Variants in SNX29 observed in about 807,000 individuals in gnomAD.
SNX29 encodes the protein sorting nexin 29.
A neutral mutation model predicts 102.1 loss-of-function variants in SNX29; 78 were observed. That is an observed-to-expected ratio of 0.76 (90% CI 0.64 to 0.92). The LOEUF (loss-of-function observed/expected upper bound fraction) is 0.92. SNX29 is among the 40% of genes least tolerant of loss of function. The probability of loss-of-function intolerance (pLI) is 0.00; values close to 1 mark genes in which losing one functional copy is unlikely to be tolerated. For missense variants in SNX29, 1,280 were observed against 1,061.7 expected (o/e 1.21, Z -2.86); for synonymous variants, 580 against 414.5 (o/e 1.40, Z -4.85).
At chr16:12,529,355 G>T (rs1311966755) in intron 20 of SNX29, among the ~76,000 whole-genome samples, 1 of 152,202 alleles carries the variant, frequency 6.6e-6, no homozygotes, top group African/African-American at 2.4e-5. Context: ...GTTACTAAGA[G>T]ACGTGACACT....
At chr16:12,348,264 G>A (rs570399835) in intron 15 of SNX29, among the ~76,000 whole-genome samples, 2 of 152,152 alleles carry the variant, frequency 1.3e-5, no homozygotes, top group Non-Finnish European at 2.9e-5. Flanking sequence ...TGGGATTTTC[G>A]TTTGAAGCTG....
At chr16:12,237,355 T>C (rs1476980247) in intron 14 of SNX29, among the ~76,000 whole-genome samples, 1 of 152,224 alleles carries the variant, frequency 6.6e-6, no homozygotes, top group Non-Finnish European at 1.5e-5. Flanking sequence ...CAGTTTCCCC[T>C]GCTTTATGCG....
intron 16 of SNX29, among the ~76,000 whole-genome samples, chr16:12,386,895 C>T (rs983051519): frequency 2.0e-5 from 3 of 151,620 alleles, no homozygotes; most frequent in African/African-American, 4.8e-5. Context: ...GAGGCCAAGG[C>T]GGGTGGATCA....
At chr16:12,185,253 G>C (rs959620494) in intron 13 of SNX29, among the ~76,000 whole-genome samples, 1 of 152,160 alleles carries the variant, frequency 6.6e-6, no homozygotes, top group Non-Finnish European at 1.5e-5. Context: ...AGGGAGTGGG[G>C]AGGGATCTTT....
At chr16:12,246,793 C>T (rs2078272622) in intron 14 of SNX29, among the ~76,000 whole-genome samples, 1 of 152,326 alleles carries the variant, frequency 6.6e-6, no homozygotes, top group East Asian at 1.9e-4. Flanking sequence ...GCAATAGTAA[C>T]AGCTGCATAG....
At chr16:12,015,771 G>A (rs1016103138) in intron 3 of SNX29, among the ~76,000 whole-genome samples, 6 of 151,288 alleles carry the variant, frequency 4.0e-5, no homozygotes, top group Non-Finnish European at 1.5e-5. Context: ...TCCTGACCTC[G>A]TGATCTGCCC....
At chr16:12,140,247 G>A (rs931602393) in intron 13 of SNX29, among the ~76,000 whole-genome samples, 1 of 152,120 alleles carries the variant, frequency 6.6e-6, no homozygotes, top group Admixed American at 6.5e-5. Flanking sequence ...CTCTTCTCTT[G>A]TGGTGACAAG....
At chr16:12,355,927 A>G (rs1029052980) in intron 15 of SNX29, among the ~76,000 whole-genome samples, 8 of 149,716 alleles carry the variant, frequency 5.3e-5, no homozygotes, top group Non-Finnish European at 8.9e-5. Context: ...ATACCATCCT[A>G]TTTGGACCAT....
chr16:12,463,814 G>C (rs1316174861), intron 18 of SNX29, among the ~76,000 whole-genome samples: 4 of 138,862 alleles, frequency 2.9e-5, no homozygotes, highest in Non-Finnish European at 4.6e-5. Context: ...ACCTCCCGAA[G>C]TGAGTGTGTG....
At chr16:12,504,558 A>C (rs531221118) in intron 19 of SNX29, among the ~76,000 whole-genome samples, 1 of 152,184 alleles carries the variant, frequency 6.6e-6, no homozygotes, top group East Asian at 1.9e-4. Context: ...GTGTCATAGC[A>C]TGTATCAGTG....
intron 11 of SNX29, among the ~76,000 whole-genome samples, chr16:12,122,017 T>C (rs975482659): frequency 2.0e-4 from 30 of 152,308 alleles, no homozygotes; most frequent in Admixed American, 1.7e-3. Flanking sequence ...GATTTCACCA[T>C]GTTGGCTGGG....
At chr16:12,257,833 T>C (rs2078620969) in intron 14 of SNX29, among the ~76,000 whole-genome samples, 1 of 151,830 alleles carries the variant, frequency 6.6e-6, no homozygotes, top group African/African-American at 2.4e-5. Flanking sequence ...CAGCACCCAC[T>C]CATAAATGCC....
chr16:12,543,553 A>C lies in SNX29; in HGVS notation c.2318+18712A>C, dbSNP rs568074854. ...ACCTTTGGCCCAGACTTCCACGCCC[A>C]CTGAGCCACGAGATCACGCTTCCGT... is the stretch of plus-strand genomic sequence containing the variant. On this transcript the variant is annotated intron_variant, in intron 20 of 20. Transcript: ENST00000566228. Among the ~76,000 whole-genome samples, 325 of 152,214 alleles carry C rather than the reference A, an allele frequency of 2.1e-3. 2 individuals carry two copies. Among genetic ancestry groups the C allele is most frequent in the Admixed American group, 4.3e-3 (66 of 15,288 alleles).
chr16:12,061,478 C>A, intron 8 of SNX29, 50 bp from the exon 9 acceptor site: 3 of 1,464,212 alleles, frequency 2.0e-6, no homozygotes, highest in South Asian at 1.2e-5. Context: ...GTGAGTCATG[C>A]GGCCTGTGGG....
intron 13 of SNX29, among the ~76,000 whole-genome samples, chr16:12,179,333 AAGTT>A (rs937871070): frequency 6.6e-6 from 1 of 152,204 alleles, no homozygotes; most frequent in African/African-American, 2.4e-5. Context: ...AAAATAGAAA[AAGTT>A]AGCCAGGTGT....
intron 13 of SNX29, among the ~76,000 whole-genome samples, chr16:12,189,942 C>T (rs924470610): frequency 6.6e-6 from 1 of 152,116 alleles, no homozygotes; most frequent in Non-Finnish European, 1.5e-5. Flanking sequence ...TCCAACATCA[C>T]CATTGACTTC....
Position 12,570,545 on chromosome 16 carries a change from G to A in SNX29, c.*1916G>A, listed in dbSNP as rs566727412. 6.0e-5 allele frequency: 14 copies of A among 232,320 alleles called. No individual in the cohort carries two copies. The South Asian group carries it at 2.5e-3, about 42-fold the overall frequency. The allele number at this position is 232,320 out of a possible 1,614,324, so 14.4% of individuals were successfully genotyped here. On this transcript the variant is annotated 3_prime_UTR_variant, in exon 21 of 21. Coordinates refer to ENST00000566228, the MANE Select transcript of SNX29 (RefSeq NM_032167.5). The stretch of plus-strand genomic sequence containing the variant: ...GGTCATTTTGAAGTAGGTGTTTGAT[G>A]CCAGCTCAGAGACTGTCTCAGGAGT...
At chr16:12,489,010 A>G (rs937473529) in intron 19 of SNX29, among the ~76,000 whole-genome samples, 4 of 152,190 alleles carry the variant, frequency 2.6e-5, no homozygotes, top group African/African-American at 9.7e-5. Context: ...TTCCTTGTAT[A>G]TCCTTATTTA....
intron 15 of SNX29, among the ~76,000 whole-genome samples, chr16:12,351,986 T>A (rs1597035127): frequency 6.6e-6 from 1 of 152,130 alleles, no homozygotes; most frequent in Non-Finnish European, 1.5e-5. Flanking sequence ...TTGAGGTGGA[T>A]CCCAGCCATT....
Sources: allele counts gnomAD v4.1 joint callset (sites outside exome capture counted in the v4.1 genomes callset), GRCh38; gene constraint gnomAD v4.1.1; transcripts MANE v1.5; gene names NCBI Gene and HGNC (gene_info 2026-07-23, HGNC 2026-07-21).